The following LRRC66 variants were observed in gnomAD, a reference collection of about 807,000 sequenced individuals.
LRRC66 encodes leucine-rich repeat-containing protein 66.
LRRC66 carries 29 observed loss-of-function variants against 24.6 expected under a neutral mutation model. The ratio of observed to expected loss-of-function variants is 1.18; its 90% CI spans 0.88 to 1.61. The LOEUF (loss-of-function observed/expected upper bound fraction) is 1.61. LRRC66 is among the 40% of genes most tolerant of loss of function. The probability of loss-of-function intolerance (pLI) is 0.00; values close to 1 mark genes in which losing one functional copy is unlikely to be tolerated. For missense variants in LRRC66, 1,124 were observed against 1,058.0 expected (o/e 1.06, Z -0.87); for synonymous variants, 411 against 397.6 (o/e 1.03, Z -0.40).
At chr4:52,003,073 G>T in intron 3 of LRRC66, 150 bp downstream of exon 3, 1 of 567,042 alleles carries the variant, frequency 1.8e-6, no homozygotes, top group Non-Finnish European at 2.9e-6. Flanking sequence ...AGAGACTTCA[G>T]CTCTTTTAAG....
intron 2 of LRRC66, among the ~76,000 whole-genome samples, chr4:52,003,971 T>C (rs1005693365): frequency 6.6e-6 from 1 of 152,184 alleles, no homozygotes; most frequent in Non-Finnish European, 1.5e-5. Flanking sequence ...TTTATCTACA[T>C]GGATGAGTTC....
Position 51,998,006 on chromosome 4 carries a change from A to G in LRRC66, c.667-69T>C, listed in dbSNP as rs1351989982. The stretch of plus-strand genomic sequence containing the variant: ...CATTTACAGATAAAATAAATGAGTT[A>G]CAGAAAACTACTGTTTATGTCTCTA... On this transcript the variant is annotated intron_variant, in intron 3 of 4. Coordinates refer to ENST00000682860, the MANE Select transcript of LRRC66 (RefSeq NM_001024611.3). 3.8e-6 allele frequency: 5 copies of G among 1,314,090 alleles called. No homozygotes were observed. The Admixed American group carries it at 9.6e-5, about 25-fold the overall frequency. 81.4% of individuals were successfully genotyped at this position (1,314,090 alleles called of 1,614,324 possible).
chr4:52,012,221 GT>G (rs765588932), intron 2 of LRRC66, among the ~76,000 whole-genome samples: 1 of 151,934 alleles, frequency 6.6e-6, no homozygotes, highest in Non-Finnish European at 1.5e-5. Context: ...AATAAAAAGA[GT>G]GGGACCCGAA....
At position 51,994,751 on chromosome 4, in the gene LRRC66, A is replaced by G. The variant is rs372792133; in HGVS notation, c.2271T>C (p.Val757=). Residue 757 remains valine, a synonymous_variant, in exon 5 of 5, where the codon GTT becomes GTC. Coordinates refer to ENST00000682860, the MANE Select transcript of LRRC66 (RefSeq NM_001024611.3). ...ATTTCCCTGGAATTGTTTGGAAGGTAACATTTTCCTCAAGACTGTCTACAG... is the reference window on the plus strand; with the variant it reads ...ATTTCCCTGGAATTGTTTGGAAGGTGACATTTTCCTCAAGACTGTCTACAG... The part of the protein sequence containing the change: ...VTAVDSLEEN[V]TFQTIPGKCK... 8.4e-5 allele frequency: 135 copies of G among 1,614,106 alleles called. No individual in the cohort carries two copies. The highest frequency in any genetic ancestry group is 1.1e-4 in the Non-Finnish European group (126 of 1,180,040).
rs923532634 is a variant in LRRC66, at chr4:51,995,606, A to T, written c.1416T>A (p.Asp472Glu). Reference protein sequence around the residue: ...QPHPHATVIPDRTLGRSRKDP... With the variant: ...QPHPHATVIPERTLGRSRKDP... ...CCTTTCTGCTCCTTCCCAGAGTTCT[A>T]TCAGGAATTACGGTGGCGTGTGGGT... Residue 472 changes from aspartate to glutamate, a missense_variant, in exon 5 of 5, where the codon GAT (aspartate) becomes GAA (glutamate). Asp to Glu is a conservative substitution (Grantham distance 45). Coordinates refer to ENST00000682860, the MANE Select transcript of LRRC66 (RefSeq NM_001024611.3). 6.2e-7 allele frequency: 1 copy of T among 1,614,010 alleles called. No homozygotes were observed. Among genetic ancestry groups the T allele is most frequent in the African/African-American group, 1.3e-5 (1 of 74,980 alleles).
chr4:51,999,115 A>T (rs1265859731), intron 3 of LRRC66, among the ~76,000 whole-genome samples: 1 of 152,188 alleles, frequency 6.6e-6, no homozygotes, highest in Non-Finnish European at 1.5e-5. Context: ...CCTGGGGCAG[A>T]GGCACCAGGG....
At chr4:52,002,057 A>G (rs1445376952) in intron 3 of LRRC66, among the ~76,000 whole-genome samples, 1 of 152,230 alleles carries the variant, frequency 6.6e-6, no homozygotes, top group African/African-American at 2.4e-5. Context: ...ACATGTAGCT[A>G]TAGAGCAATT....
At chr4:52,018,393 T>C in intron 1 of LRRC66, 1 of 984,898 alleles carries the variant, frequency 1.0e-6, no homozygotes, top group Non-Finnish European at 1.2e-6. Flanking sequence ...AATGGGTAAT[T>C]TTTGTGATTT....
chr4:51,995,860 G>A lies in LRRC66; in HGVS notation c.1162C>T (p.Leu388Phe), dbSNP rs763539229. 3 of 1,614,186 alleles carry A rather than the reference G, an allele frequency of 1.9e-6. No individual in the cohort carries two copies. Among genetic ancestry groups the A allele is most frequent in the Non-Finnish European group, 2.5e-6 (3 of 1,180,030 alleles). Residue 388 changes from leucine to phenylalanine, a missense_variant, in exon 5 of 5, where the codon CTT becomes TTT. By Grantham distance (22) the Leu-to-Phe change is conservative (BLOSUM62 0). Transcript: ENST00000682860. ...AVCLSVFITF[L>F]VAFSLGAFTR... ...AAAGCCCCCAGGCTGAAGGCGACAA[G>A]GAATGTGATGAACACTGACAGGCAC...
At chr4:51,998,065 G>C in intron 3 of LRRC66, 128 bp from the exon 4 acceptor site, 2 of 777,310 alleles carry the variant, frequency 2.6e-6, no homozygotes, top group Non-Finnish European at 4.2e-6. Flanking sequence ...TGGTTTACAA[G>C]TCAGGGAATT....
chr4:51,997,721 C>T (rs781684152), intron 4 of LRRC66, 27 bp downstream of exon 4: 47 of 1,590,886 alleles, frequency 3.0e-5, no homozygotes, highest in Non-Finnish European at 4.0e-5. Flanking sequence ...TAAATGGAGC[C>T]TTTTCAGAGA....
intron 1 of LRRC66, chr4:52,018,490 CCTTT>C (rs1333813400): frequency 1.0e-6 from 1 of 985,226 alleles, no homozygotes; most frequent in African/African-American, 1.7e-5. Flanking sequence ...ATTGTCCCTT[CCTTT>C]CTGTTCTAAT....
At chr4:52,019,190 T>C (rs1427673495) in intron 1 of LRRC66, among the ~76,000 whole-genome samples, 1 of 152,208 alleles carries the variant, frequency 6.6e-6, no homozygotes, top group Non-Finnish European at 1.5e-5. Flanking sequence ...CAGTCTTGTG[T>C]ATCCTTCCAG....
In LRRC66 at chr4:52,017,179, G is replaced by C; in HGVS notation, c.435C>G (p.Asn145Lys). The C allele has an allele frequency of 6.2e-7, 1 of 1,614,098 alleles. No individual in the cohort carries two copies. Among genetic ancestry groups the C allele is most frequent in the Non-Finnish European group, 8.5e-7 (1 of 1,179,976 alleles). The change falls in exon 2 of 5, where the codon AAC (asparagine) becomes AAG (lysine). Residue 145 changes from asparagine (N) to lysine (K), a missense_variant. Transcript: ENST00000682860. ...WVKRHRSSFR[N>K]RFPLLKVLIL... ...TGAGCACCTTCAGCAATGGAAACCT[G>C]TTTCTGAAGCTGCTTCTGTGGCGTT...
At position 51,997,867 on chromosome 4, in the gene LRRC66, T is replaced by C. The variant is rs1423727593; in HGVS notation, c.737A>G (p.His246Arg). 1 of 1,613,828 alleles carries C rather than the reference T, an allele frequency of 6.2e-7. No homozygotes were observed. Among genetic ancestry groups the C allele is most frequent in the Non-Finnish European group, 8.5e-7 (1 of 1,179,938 alleles). The change falls in exon 4 of 5, where the codon CAT (histidine) becomes CGT (arginine). Residue 246 changes from histidine (H) to arginine (R), a missense_variant. His to Arg is a conservative substitution (Grantham distance 29, BLOSUM62 0). Transcript: ENST00000682860. Reference sequence around the variant, plus strand: ...ATTATCAGCCAAGTCAACCACTAGATGGGGAAATTCTAGAGCTATGATCAT... The same window carrying C: ...ATTATCAGCCAAGTCAACCACTAGACGGGGAAATTCTAGAGCTATGATCAT... ...PMMIIALEFP[H>R]LVVDLADNNW...
chr4:52,011,788 T>C (rs531399961), intron 2 of LRRC66, among the ~76,000 whole-genome samples: 10 of 152,338 alleles, frequency 6.6e-5, no homozygotes, highest in Non-Finnish European at 1.5e-4. Context: ...TACATATACT[T>C]ATTCTCAGTT....
chr4:52,016,591 A>G (rs1333194683), intron 2 of LRRC66, among the ~76,000 whole-genome samples: 2 of 152,200 alleles, frequency 1.3e-5, no homozygotes, highest in Non-Finnish European at 2.9e-5. Flanking sequence ...AGAAACTAGG[A>G]TAAGGAATTC....
Position 51,994,992 on chromosome 4 carries a change from A to G in LRRC66, c.2030T>C (p.Leu677Pro). The G allele has an allele frequency of 6.2e-7, 1 of 1,614,136 alleles. No homozygotes were observed. Among genetic ancestry groups the G allele is most frequent in the Non-Finnish European group, 8.5e-7 (1 of 1,180,038 alleles). Reference protein sequence around the residue: ...SVFPPRWDSGLDVTPANKEPV... With the variant: ...SVFPPRWDSGPDVTPANKEPV... ...TTCCTTGTTAGCAGGAGTGACATCC[A>G]GGCCACTGTCCCATCTTGGAGGAAA... Residue 677 changes from leucine (L) to proline (P), a missense_variant, in exon 5 of 5, where the codon CTG becomes CCG. Coordinates refer to ENST00000682860, the MANE Select transcript of LRRC66 (RefSeq NM_001024611.3).
chr4:52,015,447 G>A (rs1736788109), intron 2 of LRRC66, among the ~76,000 whole-genome samples: 3 of 152,088 alleles, frequency 2.0e-5, no homozygotes, highest in African/African-American at 7.2e-5. Flanking sequence ...TATACGATTC[G>A]ATGCCTTGTT....
Sources: gnomAD v4.1 joint callset for allele counts (sites outside exome capture counted in the v4.1 genomes callset) on GRCh38, gnomAD v4.1.1 for gene constraint, MANE v1.5 for transcripts, NCBI Gene and HGNC (gene_info 2026-07-23, HGNC 2026-07-21) for gene names.